The following RAPGEF4 variants were observed in gnomAD, a reference collection of about 807,000 sequenced individuals.
The protein encoded by RAPGEF4 is RAP guanine-nucleotide-exchange factor (GEF) 4.
A neutral mutation model predicts 147.9 loss-of-function variants in RAPGEF4; 66 were observed. The ratio of observed to expected loss-of-function variants is 0.45; its 90% CI spans 0.37 to 0.55. RAPGEF4 has a LOEUF of 0.55. RAPGEF4 is among the 20% of genes least tolerant of loss of function. The pLI is 0.00. For missense variants in RAPGEF4, 1,071 were observed against 1,257.3 expected (o/e 0.85, Z 2.24); for synonymous variants, 419 against 442.7 (o/e 0.95, Z 0.67).
At chr2:172,975,692 A>G (rs1690990393) in intron 10 of RAPGEF4, among the ~76,000 whole-genome samples, 1 of 152,240 alleles carries the variant, frequency 6.6e-6, no homozygotes, top group African/African-American at 2.4e-5. Context: ...TTTTGCAAGG[A>G]AGAAGTAACA....
intron 10 of RAPGEF4, among the ~76,000 whole-genome samples, chr2:172,970,173 A>T (rs1312298593): frequency 7.2e-6 from 1 of 139,764 alleles, no homozygotes; most frequent in East Asian, 2.3e-4. Flanking sequence ...GTACATACAC[A>T]CACACACCCT....
At chr2:172,783,243 CG>C (rs1030210020) in intron 1 of RAPGEF4, among the ~76,000 whole-genome samples, 4 of 152,060 alleles carry the variant, frequency 2.6e-5, no homozygotes, top group Admixed American at 2.0e-4. Context: ...ACAGAGTGGT[CG>C]GGGAGGTGGA....
intron 1 of RAPGEF4, among the ~76,000 whole-genome samples, chr2:172,755,424 C>T (rs1282003944): frequency 6.6e-6 from 1 of 152,128 alleles, no homozygotes; most frequent in Non-Finnish European, 1.5e-5. Flanking sequence ...GACGAAGTTG[C>T]ACTCTTGTTG....
chr2:172,993,957 G>A (rs970662427), intron 15 of RAPGEF4, among the ~76,000 whole-genome samples: 1 of 152,218 alleles, frequency 6.6e-6, no homozygotes, highest in African/African-American at 2.4e-5. Context: ...GAGGTGATCA[G>A]GCATCTGGCT....
chr2:173,047,373 A>G (rs1214347388), intron 29 of RAPGEF4, among the ~76,000 whole-genome samples: 7 of 152,202 alleles, frequency 4.6e-5, no homozygotes, highest in Admixed American at 1.3e-4. Flanking sequence ...TAAGATGATC[A>G]CTTAGTGACC....
At chr2:172,800,194 T>G (rs1333084210) in intron 3 of RAPGEF4, among the ~76,000 whole-genome samples, 1 of 151,964 alleles carries the variant, frequency 6.6e-6, no homozygotes, top group Non-Finnish European at 1.5e-5. Context: ...TCAACCAGAG[T>G]TTTCTGGATG....
intron 6 of RAPGEF4, among the ~76,000 whole-genome samples, chr2:172,950,183 C>G (rs1316705630): frequency 6.6e-6 from 1 of 152,096 alleles, no homozygotes; most frequent in Non-Finnish European, 1.5e-5. Context: ...AATTAAAGCC[C>G]AAGCTTGTGA....
In RAPGEF4 at chr2:173,036,182, C is replaced by T. The variant is rs1683981813; in HGVS notation, c.2758C>T (p.Leu920Phe). 1.2e-6 allele frequency: 2 copies of T among 1,612,734 alleles called. No individual in the cohort carries two copies. Among genetic ancestry groups the T allele is most frequent in the Non-Finnish European group, 1.7e-6 (2 of 1,179,088 alleles). Residue 920 changes from leucine to phenylalanine, a missense_variant, in exon 28 of 31, where the codon CTC becomes TTC. Physicochemically the swap from Leu to Phe is conservative, Grantham distance 22. Transcript: ENST00000397081. ...GACAGTAGCTAAGCTGGAACCTCCT[C>T]TCATCCCCTTCATGCCTTTGCTCAT... ...RLTVAKLEPPLIPFMPLLIKD... is the reference protein window; with the variant it reads ...RLTVAKLEPPFIPFMPLLIKD...
intron 4 of RAPGEF4, among the ~76,000 whole-genome samples, chr2:172,888,549 CTCTG>C (rs1337309393): frequency 6.6e-6 from 1 of 152,230 alleles, no homozygotes; most frequent in Non-Finnish European, 1.5e-5. Flanking sequence ...TTAGCATTAG[CTCTG>C]TCTTTCATTT....
At chr2:172,941,485 T>C (rs1687148466) in intron 6 of RAPGEF4, among the ~76,000 whole-genome samples, 1 of 152,226 alleles carries the variant, frequency 6.6e-6, no homozygotes. Context: ...ACGAAGTTAT[T>C]GTGAAAAATA....
chr2:172,936,578 T>A (rs796570066), intron 6 of RAPGEF4, among the ~76,000 whole-genome samples: 2 of 151,846 alleles, frequency 1.3e-5, no homozygotes, highest in African/African-American at 4.8e-5. Flanking sequence ...TCCTCTGCAA[T>A]ACATTTTTAT....
intron 1 of RAPGEF4, among the ~76,000 whole-genome samples, chr2:172,775,508 C>T (rs201359548): frequency 6.6e-6 from 1 of 152,126 alleles, no homozygotes; most frequent in Non-Finnish European, 1.5e-5. Context: ...ATCATGCTGC[C>T]TGGGGCTTTT....
chr2:172,973,107 C>CTTTTT (rs58806286), intron 10 of RAPGEF4, among the ~76,000 whole-genome samples: 3 of 132,586 alleles, frequency 2.3e-5, no homozygotes, highest in African/African-American at 2.8e-5. Context: ...CTTTTTTTTT[C>CTTTTT]TTTTTTTTTT....
chr2:173,036,249 G>A (rs181490319), intron 28 of RAPGEF4, 37 bp downstream of exon 28: 50 of 1,454,562 alleles, frequency 3.4e-5, no homozygotes, highest in Admixed American at 2.3e-4. Flanking sequence ...AGCAGGTGAT[G>A]AGTATTTGGG....
At chr2:172,959,470 C>T (rs1252585708) in intron 6 of RAPGEF4, among the ~76,000 whole-genome samples, 2 of 152,136 alleles carry the variant, frequency 1.3e-5, no homozygotes. Flanking sequence ...TCCCTTTTGC[C>T]GTGTAACCTG....
rs200036657 is a variant in RAPGEF4 at position 172,939,434 on chromosome 2, G to A, written c.537+17134G>A. On this transcript the variant is annotated intron_variant, in intron 6 of 30. Coordinates refer to ENST00000397081, the MANE Select transcript of RAPGEF4 (RefSeq NM_007023.4). ...GATATTGAGTATCTTTTCATATGCT[G>A]TTTGCCATCTGTCTTCTTTGTTGAG... 5.3e-5 allele frequency among the ~76,000 whole-genome samples: 8 copies of A among 152,008 alleles called. No individual in the cohort carries two copies. In the East Asian group the frequency reaches 1.5e-3, roughly 29 times the overall value.
intron 6 of RAPGEF4, among the ~76,000 whole-genome samples, chr2:172,954,752 C>A (rs1423389063): frequency 6.6e-6 from 1 of 152,208 alleles, no homozygotes; most frequent in African/African-American, 2.4e-5. Context: ...AAAAGTATAT[C>A]ATTTTCACTA....
intron 30 of RAPGEF4, 148 bp downstream of exon 30, chr2:173,048,802 G>A: frequency 7.0e-7 from 1 of 1,432,158 alleles, no homozygotes; most frequent in Non-Finnish European, 9.2e-7. Context: ...TAGGGGCCTT[G>A]AGTTTAAAGA....
intron 1 of RAPGEF4, among the ~76,000 whole-genome samples, chr2:172,740,467 GGACAGTTTCCATCT>G (rs1694204964): frequency 6.6e-6 from 1 of 152,274 alleles, no homozygotes; most frequent in Non-Finnish European, 1.5e-5. Context: ...AATACTCCAT[GGACAGTTTCCATCT>G]GACTTGCCCC....
Sources: gnomAD v4.1 joint callset for allele counts (sites outside exome capture counted in the v4.1 genomes callset) on GRCh38, gnomAD v4.1.1 for gene constraint, MANE v1.5 for transcripts, NCBI Gene and HGNC (gene_info 2026-07-23, HGNC 2026-07-21) for gene names.